The following COL4A1 variants were observed in gnomAD, a reference collection of about 807,000 sequenced individuals.
COL4A1 encodes collagen type IV alpha 1 chain, also known as collagen alpha-1(IV) chain.
A neutral mutation model predicts 216.6 loss-of-function variants in COL4A1; 40 were observed. The ratio of observed to expected loss-of-function variants is 0.18; its 90% CI spans 0.14 to 0.24. The LOEUF (loss-of-function observed/expected upper bound fraction) is 0.24. Among genes scored for constraint, COL4A1 ranks in the 10% least tolerant of loss-of-function variants. The pLI is 1.00. For missense variants in COL4A1, 1,628 were observed against 2,196.8 expected, an observed-to-expected ratio of 0.74 and a Z score of 5.18; for synonymous variants, 839 against 810.7, an observed-to-expected ratio of 1.03 and a Z score of -0.59.
chr13:110,166,135 C>T (rs1442488955), intron 45 of COL4A1, 97 bp downstream of exon 45: 1 of 800,848 alleles, frequency 1.2e-6, no homozygotes, highest in Non-Finnish European at 2.3e-6. Flanking sequence ...AGTCATTTCA[C>T]ATATGAAAAA....
At position 110,152,423 on chromosome 13, in the gene COL4A1, G is replaced by A. The variant is rs987149771; in HGVS notation, c.4839C>T (p.Phe1613=). 6.8e-6 allele frequency: 11 copies of A among 1,614,080 alleles called. No homozygotes were observed. The highest frequency in any genetic ancestry group is 2.7e-5 in the African/African-American group (2 of 74,930). The change falls in exon 51 of 52, where the codon TTC becomes TTT. Residue 1613 remains phenylalanine, a synonymous_variant. Transcript: ENST00000375820. The stretch of plus-strand genomic sequence containing the variant: ...AGGTCCCACGGCCGTGACACTCGAT[G>A]AATGGCGCACTTCTAAACTCCTCCA... ...SCLEEFRSAP[F]IECHGRGTCN...
intron 1 of COL4A1, among the ~76,000 whole-genome samples, chr13:110,306,103 G>T (rs991834884): frequency 6.6e-6 from 1 of 152,130 alleles, no homozygotes; most frequent in South Asian, 2.1e-4. Flanking sequence ...ACAACAGTCA[G>T]TCCAGGCTTG....
chr13:110,223,603 C>G (rs935394611), intron 2 of COL4A1, among the ~76,000 whole-genome samples: 13 of 152,200 alleles, frequency 8.5e-5, no homozygotes, highest in African/African-American at 3.1e-4. Context: ...GGCTTGGAAC[C>G]TCACTTGCTG....
chr13:110,270,387 G>T (rs1883202399), intron 1 of COL4A1, among the ~76,000 whole-genome samples: 1 of 152,214 alleles, frequency 6.6e-6, no homozygotes, highest in Non-Finnish European at 1.5e-5. Context: ...TCAAAACAAT[G>T]GTAGAAGCAA....
intron 2 of COL4A1, among the ~76,000 whole-genome samples, chr13:110,239,777 C>A (rs562906937): frequency 6.6e-6 from 1 of 152,314 alleles, no homozygotes; most frequent in Admixed American, 6.5e-5. Flanking sequence ...TTCTCTTGAC[C>A]TGCCAGCCTA....
chr13:110,229,117 G>A (rs1199439057), intron 2 of COL4A1, among the ~76,000 whole-genome samples: 5 of 152,320 alleles, frequency 3.3e-5, no homozygotes, highest in African/African-American at 7.2e-5. Flanking sequence ...ATACATCACC[G>A]AAAACATAGC....
intron 1 of COL4A1, among the ~76,000 whole-genome samples, chr13:110,269,078 A>G (rs1179282577): frequency 6.6e-6 from 1 of 152,252 alleles, no homozygotes; most frequent in African/African-American, 2.4e-5. Flanking sequence ...CTGTATTGAC[A>G]GCATGCTCTA....
chr13:110,219,918 A>ATATATATGTATGTATATGTGTGTG (rs1158507238), intron 2 of COL4A1, among the ~76,000 whole-genome samples: 1 of 120,812 alleles, frequency 8.3e-6, no homozygotes, highest in Non-Finnish European at 1.7e-5. Flanking sequence ...ATATGTGTGT[A>ATATATATGTATGTATATGTGTGTG]TATATATGTA....
chr13:110,278,248 C>T (rs1000514289), intron 1 of COL4A1, among the ~76,000 whole-genome samples: 8 of 152,162 alleles, frequency 5.3e-5, no homozygotes, highest in Non-Finnish European at 1.2e-4. Context: ...TCCTCCTTTC[C>T]AATGCTATTT....
chr13:110,212,758 A>T, intron 4 of COL4A1, 140 bp from the exon 5 acceptor site: 1 of 933,312 alleles, frequency 1.1e-6, no homozygotes, highest in Non-Finnish European at 1.7e-6. Context: ...ACTCTGCACA[A>T]GAGGCAGCAG....
In COL4A1 at chr13:110,174,486, G is replaced by A. The variant is rs778031795; in HGVS notation, c.3366C>T (p.Leu1122=). The A allele has an allele frequency of 1.2e-5, 19 of 1,614,018 alleles. No homozygotes were observed. Among genetic ancestry groups the A allele is most frequent in the Non-Finnish European group, 1.6e-5 (19 of 1,180,034 alleles). ...CACCAGGGATGCCATCCAATCCTGGGAGGCCTTTGTCACCTTTTTCTCCAG... is the reference window on the plus strand; with the variant it reads ...CACCAGGGATGCCATCCAATCCTGGAAGGCCTTTGTCACCTTTTTCTCCAG... ...GLPGEKGDKG[L]PGLDGIPGVK... The change falls in exon 39 of 52, where the codon CTC becomes CTT. Residue 1122 remains leucine (L), a synonymous_variant. Transcript: ENST00000375820.
intron 50 of COL4A1, among the ~76,000 whole-genome samples, chr13:110,154,090 A>G (rs1392555414): frequency 1.3e-5 from 2 of 152,256 alleles, no homozygotes; most frequent in African/African-American, 2.4e-5. Context: ...CAATCAGATA[A>G]TAAATAATGT....
At chr13:110,178,847 G>A (rs2050963483) in intron 31 of COL4A1, 76 bp downstream of exon 31, 1 of 1,107,768 alleles carries the variant, frequency 9.0e-7, no homozygotes, top group Non-Finnish European at 1.3e-6. Flanking sequence ...CACTTTATAG[G>A]GACCCCGGCC....
At chr13:110,191,126 T>G (rs1878607877) in intron 24 of COL4A1, 1 of 152,410 alleles carries the variant, frequency 6.6e-6, no homozygotes, top group African/African-American at 2.4e-5. Context: ...CAATTGCAAC[T>G]TCTAACTCAG....
intron 24 of COL4A1, among the ~76,000 whole-genome samples, chr13:110,188,003 A>G (rs1878474695): frequency 6.6e-6 from 1 of 152,196 alleles, no homozygotes. Flanking sequence ...GAGTCAGCAG[A>G]GTCAAATTGA....
chr13:110,241,820 T>C (rs1161972268), intron 2 of COL4A1, among the ~76,000 whole-genome samples: 3 of 152,236 alleles, frequency 2.0e-5, no homozygotes, highest in Admixed American at 6.5e-5. Flanking sequence ...ATAAAACCTC[T>C]GGCATGCCGG....
intron 2 of COL4A1, among the ~76,000 whole-genome samples, chr13:110,220,218 G>A (rs115445611): frequency 3.2e-4 from 49 of 152,112 alleles, no homozygotes; most frequent in African/African-American, 1.1e-3. Context: ...AATTACAGGC[G>A]TGAGCTACTG....
intron 1 of COL4A1, among the ~76,000 whole-genome samples, chr13:110,263,419 G>A (rs1276435296): frequency 1.3e-5 from 2 of 152,172 alleles, no homozygotes; most frequent in Non-Finnish European, 2.9e-5. Context: ...TTTGAAAGAT[G>A]CATTAAAATG....
intron 12 of COL4A1, among the ~76,000 whole-genome samples, chr13:110,208,604 G>A (rs1284576907): frequency 6.6e-6 from 1 of 152,212 alleles, no homozygotes; most frequent in Non-Finnish European, 1.5e-5. Context: ...GATAATTGGA[G>A]TTAGTCTCGT....
Sources: gnomAD v4.1 joint callset for allele counts (sites outside exome capture counted in the v4.1 genomes callset) on GRCh38, gnomAD v4.1.1 for gene constraint, MANE v1.5 for transcripts, NCBI Gene and HGNC (gene_info 2026-07-23, HGNC 2026-07-21) for gene names.